Variants in SRPK2 observed in about 807,000 individuals in gnomAD.
SRPK2 encodes SRSF protein kinase 2.
In SRPK2, 21 loss-of-function variants were observed where a neutral mutation model predicts 90.8. The observed-to-expected ratio is 0.23, with a 90% CI of 0.16 to 0.33. The LOEUF is 0.33. SRPK2 is among the 10% of genes least tolerant of loss of function. The pLI is 1.00. For missense variants in SRPK2, 620 were observed against 869.0 expected, an observed-to-expected ratio of 0.71 and a Z score of 3.60; for synonymous variants, 288 against 311.1, an observed-to-expected ratio of 0.93 and a Z score of 0.78.
intron 2 of SRPK2, among the ~76,000 whole-genome samples, chr7:105,386,059 A>G (rs1369418302): frequency 3.9e-5 from 6 of 152,170 alleles, no homozygotes; most frequent in African/African-American, 1.4e-4. Context: ...TCACGCCTGT[A>G]ATCCCAGCAC....
intron 2 of SRPK2, among the ~76,000 whole-genome samples, chr7:105,348,816 C>G (rs1310183206): frequency 6.6e-6 from 1 of 152,014 alleles, no homozygotes; most frequent in African/African-American, 2.4e-5. Context: ...ATCATTCATG[C>G]CAGCACTGAA....
intron 7 of SRPK2, among the ~76,000 whole-genome samples, chr7:105,158,489 G>A (rs186120374): frequency 2.6e-5 from 4 of 152,116 alleles, no homozygotes; most frequent in East Asian, 1.9e-4. Flanking sequence ...TCCTGACCTC[G>A]TGATCCACCC....
chr7:105,218,006 T>C (rs375999791), intron 2 of SRPK2, among the ~76,000 whole-genome samples: 2 of 152,238 alleles, frequency 1.3e-5, no homozygotes, highest in East Asian at 1.9e-4. Flanking sequence ...GGAGAGAAAA[T>C]TGAAGAGGCC....
At chr7:105,263,868 T>C (rs748571767) in intron 2 of SRPK2, among the ~76,000 whole-genome samples, 1 of 152,196 alleles carries the variant, frequency 6.6e-6, no homozygotes, top group African/African-American at 2.4e-5. Flanking sequence ...AAAAATTAAA[T>C]AAAGAATTGA....
chr7:105,301,675 G>T (rs1810571082), intron 2 of SRPK2: 1 of 1,611,464 alleles, frequency 6.2e-7, no homozygotes, highest in South Asian at 1.1e-5. Flanking sequence ...TTCCTGGACA[G>T]AAACATATCC....
chr7:105,244,902 A>T, intron 2 of SRPK2: 1 of 1,477,816 alleles, frequency 6.8e-7, no homozygotes, highest in South Asian at 1.2e-5. Context: ...CATCCGCGCC[A>T]AGAGGAAGCG....
chr7:105,168,139 A>G, intron 4 of SRPK2, 44 bp from the exon 5 acceptor site: 21 of 1,472,912 alleles, frequency 1.4e-5, no homozygotes, highest in Non-Finnish European at 1.9e-5. Context: ...CTATATTATC[A>G]GTAGAAAGAA....
chr7:105,312,484 T>C (rs1811831483), intron 2 of SRPK2, among the ~76,000 whole-genome samples: 1 of 145,468 alleles, frequency 6.9e-6, no homozygotes, highest in Non-Finnish European at 1.5e-5. Context: ...CTTGAAAACA[T>C]TATACTATGT....
intron 2 of SRPK2, among the ~76,000 whole-genome samples, chr7:105,365,249 C>G (rs1425925277): frequency 6.6e-6 from 1 of 151,990 alleles, no homozygotes; most frequent in Non-Finnish European, 1.5e-5. Flanking sequence ...GTTTGGAAGG[C>G]TGAGGCGGGT....
intron 2 of SRPK2, among the ~76,000 whole-genome samples, chr7:105,283,432 T>C (rs2130860956): frequency 6.6e-6 from 1 of 152,336 alleles, no homozygotes; most frequent in East Asian, 1.9e-4. Context: ...ATGTGGTATA[T>C]ACATATGTAA....
chr7:105,301,500 G>A (rs1281505289), intron 2 of SRPK2: 1 of 1,255,312 alleles, frequency 8.0e-7, no homozygotes, highest in Non-Finnish European at 1.2e-6. Flanking sequence ...CACTCAGGAG[G>A]CGCCCCGCAA....
chr7:105,254,679 GTTGTTGTTGTTA>G (rs982478662), intron 2 of SRPK2, among the ~76,000 whole-genome samples: 3 of 151,256 alleles, frequency 2.0e-5, no homozygotes, highest in Admixed American at 2.0e-4. Flanking sequence ...TTTTTTTGTT[GTTGTTGTTGTTA>G]TTGTTGTTGT....
At chr7:105,341,822 C>G (rs1433797760) in intron 2 of SRPK2, among the ~76,000 whole-genome samples, 1 of 151,998 alleles carries the variant, frequency 6.6e-6, no homozygotes, top group Non-Finnish European at 1.5e-5. Context: ...AAAAAGTTAG[C>G]CAGGTGTGGT....
chr7:105,347,315 G>A (rs1451080421), intron 2 of SRPK2, among the ~76,000 whole-genome samples: 8 of 151,932 alleles, frequency 5.3e-5, no homozygotes, highest in Non-Finnish European at 1.0e-4. Flanking sequence ...TCCGGCTTCA[G>A]TCTCCCAAAG....
intron 2 of SRPK2, among the ~76,000 whole-genome samples, chr7:105,372,086 G>A (rs1008100971): frequency 7.1e-6 from 1 of 140,574 alleles, no homozygotes; most frequent in Non-Finnish European, 1.5e-5. Flanking sequence ...AGTGAGCCGA[G>A]ATAGCGCCAC....
At chr7:105,360,561 C>T (rs954713626) in intron 2 of SRPK2, among the ~76,000 whole-genome samples, 2 of 152,078 alleles carry the variant, frequency 1.3e-5, no homozygotes, top group Non-Finnish European at 2.9e-5. Context: ...GTAAGGCAGG[C>T]CTGGTGGTGA....
chr7:105,197,174 T>C (rs186119378), intron 3 of SRPK2, among the ~76,000 whole-genome samples: 1 of 152,274 alleles, frequency 6.6e-6, no homozygotes, highest in Admixed American at 6.5e-5. Flanking sequence ...TTGTGAGTTA[T>C]TAAAATTCAA....
intron 2 of SRPK2, among the ~76,000 whole-genome samples, chr7:105,338,094 A>AC (rs397750779): frequency 2.0e-5 from 3 of 151,226 alleles, no homozygotes; most frequent in African/African-American, 7.3e-5. Flanking sequence ...AAAAAAAAAA[A>AC]CTTTTTCAAT....
chr7:105,223,550 T>G (rs1798354922), intron 2 of SRPK2, among the ~76,000 whole-genome samples: 1 of 152,238 alleles, frequency 6.6e-6, no homozygotes, highest in African/African-American at 2.4e-5. Flanking sequence ...CAAACCTTAT[T>G]GACTCCCTGT....
Sources: allele counts gnomAD v4.1 joint callset (sites outside exome capture counted in the v4.1 genomes callset), GRCh38; gene constraint gnomAD v4.1.1; transcripts MANE v1.5; gene names NCBI Gene and HGNC (gene_info 2026-07-23, HGNC 2026-07-21).